Variants in ADD3 observed in about 807,000 individuals in gnomAD.
ADD3 encodes the protein gamma-adducin.
In ADD3, 25 loss-of-function variants were observed where a neutral mutation model predicts 80.2. The observed-to-expected ratio is 0.31, with a 90% CI of 0.23 to 0.44. The LOEUF is 0.44. ADD3 is among the 20% of genes least tolerant of loss of function. The probability of loss-of-function intolerance (pLI) is 1.00; values close to 1 mark genes in which losing one functional copy is unlikely to be tolerated. For missense variants in ADD3, 829 were observed against 847.5 expected, an observed-to-expected ratio of 0.98 and a Z score of 0.27; for synonymous variants, 284 against 289.6, an observed-to-expected ratio of 0.98 and a Z score of 0.20.
intron 1 of ADD3, among the ~76,000 whole-genome samples, chr10:110,091,329 T>G (rs182357801): frequency 1.3e-5 from 2 of 152,332 alleles, no homozygotes; most frequent in East Asian, 3.9e-4. Flanking sequence ...ATTTCCTTAT[T>G]TGTGAGAAGA....
At chr10:110,095,269 A>G (rs1362929248) in intron 1 of ADD3, among the ~76,000 whole-genome samples, 1 of 152,218 alleles carries the variant, frequency 6.6e-6, no homozygotes, top group Non-Finnish European at 1.5e-5. Flanking sequence ...TAAAGTATAC[A>G]ATTCAGTGGT....
chr10:110,103,919 T>A (rs777465643), intron 2 of ADD3, among the ~76,000 whole-genome samples: 10 of 152,142 alleles, frequency 6.6e-5, no homozygotes, highest in Non-Finnish European at 1.3e-4. Flanking sequence ...ACAATTTATT[T>A]TTCTTCCTTC....
chr10:110,122,803 T>G (rs1851684954), intron 9 of ADD3, among the ~76,000 whole-genome samples: 1 of 151,866 alleles, frequency 6.6e-6, no homozygotes, highest in African/African-American at 2.4e-5. Context: ...TTTTTTTTTT[T>G]TTACTTTTTG....
intron 1 of ADD3, among the ~76,000 whole-genome samples, chr10:110,067,646 C>T (rs1187470343): frequency 6.6e-6 from 1 of 152,174 alleles, no homozygotes; most frequent in Non-Finnish European, 1.5e-5. Context: ...TTACACTGAT[C>T]CACATACCCC....
chr10:110,090,108 C>T (rs1847291996), intron 1 of ADD3, among the ~76,000 whole-genome samples: 3 of 150,796 alleles, frequency 2.0e-5, no homozygotes, highest in South Asian at 2.1e-4. Flanking sequence ...TATCCTTCGT[C>T]GTTAGTGACA....
chr10:110,063,977 T>A (rs969167240), intron 1 of ADD3, among the ~76,000 whole-genome samples: 1 of 151,660 alleles, frequency 6.6e-6, no homozygotes, highest in Non-Finnish European at 1.5e-5. Context: ...GTTTCAGGAT[T>A]TTATATACAT....
Position 110,133,827 on chromosome 10 carries a change from ATT to A in ADD3, c.*210_*211del, listed in dbSNP as rs1268735545. On this transcript the variant is annotated 3_prime_UTR_variant, in exon 15 of 15. Transcript: ENST00000356080. The stretch of plus-strand genomic sequence containing the variant: ...CAGAAATGGCTTTGAATTTTAAGCA[ATT>A]ACTAGTTTTAATTAGCTCTGCCCTC... 4.9e-6 allele frequency: 2 copies of A among 411,182 alleles called. No individual in the cohort carries two copies. Among genetic ancestry groups the A allele is most frequent in the African/African-American group, 4.1e-5 (2 of 48,636 alleles). The allele number at this position is 411,182 out of a possible 1,614,324, so 25.5% of individuals were successfully genotyped here. A position where few individuals can be genotyped will look rare whatever the true frequency, so the allele number is the denominator to read the frequency against.
upstream of ADD3, among the ~76,000 whole-genome samples, chr10:110,007,172 T>C (rs919111772): frequency 6.6e-6 from 1 of 152,242 alleles, no homozygotes; most frequent in African/African-American, 2.4e-5. Context: ...TTCTTGGCGA[T>C]GCCTCGACTT....
chr10:110,127,392 G>A (rs968682928), intron 12 of ADD3, among the ~76,000 whole-genome samples: 3 of 152,208 alleles, frequency 2.0e-5, no homozygotes, highest in Admixed American at 6.5e-5. Context: ...GCCGAGGCGG[G>A]CAGATCACGA....
intron 1 of ADD3, among the ~76,000 whole-genome samples, chr10:110,086,186 C>T (rs1161039126): frequency 6.6e-6 from 1 of 151,856 alleles, no homozygotes; most frequent in Non-Finnish European, 1.5e-5. Context: ...CCGAGGTGGG[C>T]GGATCATGAG....
chr10:110,119,132 G>A, intron 6 of ADD3, 79 bp from the exon 7 acceptor site: 2 of 1,513,036 alleles, frequency 1.3e-6, no homozygotes, highest in South Asian at 1.2e-5. Flanking sequence ...GTTTTCCTGA[G>A]CTGACCAAAC....
At chr10:110,080,943 G>C (rs1245783681) in intron 1 of ADD3, among the ~76,000 whole-genome samples, 1 of 152,162 alleles carries the variant, frequency 6.6e-6, no homozygotes, top group Non-Finnish European at 1.5e-5. Context: ...ATCACACATA[G>C]GATATTTAGC....
At chr10:110,101,840 C>A (rs1030100376) in intron 2 of ADD3, among the ~76,000 whole-genome samples, 1 of 150,380 alleles carries the variant, frequency 6.6e-6, no homozygotes, top group African/African-American at 2.5e-5. Flanking sequence ...GATCATGCAC[C>A]CCTAAGACAG....
chr10:110,003,274 GAGA>G (rs1157931759), upstream of ADD3, among the ~76,000 whole-genome samples: 1 of 144,684 alleles, frequency 6.9e-6, no homozygotes. Flanking sequence ...CCTCAAAGCT[GAGA>G]AGTTGTTAAA....
intron 13 of ADD3, 138 bp from the exon 14 acceptor site, chr10:110,132,167 G>T: frequency 1.7e-6 from 1 of 600,794 alleles, no homozygotes. Flanking sequence ...TGGGATAACT[G>T]TTAGCATGCT....
intron 1 of ADD3, among the ~76,000 whole-genome samples, chr10:110,049,809 C>T (rs1027260844): frequency 4.2e-4 from 64 of 151,904 alleles, no homozygotes; most frequent in African/African-American, 1.5e-3. Context: ...ATGGCATGAA[C>T]CCGGGAGGCA....
At chr10:110,106,093 C>T (rs1276367650) in intron 2 of ADD3, 3 of 150,796 alleles carry the variant, frequency 2.0e-5, no homozygotes, top group African/African-American at 7.3e-5. Flanking sequence ...TAGGAGAGCT[C>T]TAATAACATA....
At chr10:110,012,222 T>TG (rs1230478265) in intron 1 of ADD3, among the ~76,000 whole-genome samples, 1 of 152,204 alleles carries the variant, frequency 6.6e-6, no homozygotes, top group Non-Finnish European at 1.5e-5. Context: ...TACCTTTATG[T>TG]GGGAAAAAAG....
chr10:110,064,212 T>A (rs180744101), intron 1 of ADD3, among the ~76,000 whole-genome samples: 2 of 152,342 alleles, frequency 1.3e-5, no homozygotes, highest in Admixed American at 1.3e-4. Flanking sequence ...ATCCTTGTTG[T>A]ATGGTTTTTG....
Sources: allele counts gnomAD v4.1 joint callset (sites outside exome capture counted in the v4.1 genomes callset), GRCh38; gene constraint gnomAD v4.1.1; transcripts MANE v1.5; gene names NCBI Gene and HGNC (gene_info 2026-07-23, HGNC 2026-07-21).